Variants in TTC39A observed in about 807,000 individuals in gnomAD.
TTC39A encodes tetratricopeptide repeat domain 39A.
TTC39A carries 46 observed loss-of-function variants against 82.3 expected under a neutral mutation model. That is an observed-to-expected ratio of 0.56 (90% CI 0.44 to 0.71). The LOEUF (loss-of-function observed/expected upper bound fraction) is 0.71, where lower values mean the gene tolerates loss of function less well. Ranked by LOEUF, TTC39A falls within the 30% of genes least tolerant of loss-of-function variation. The pLI, the probability that TTC39A is intolerant of heterozygous loss-of-function variation, is 0.00. For synonymous variants in TTC39A, 254 were observed against 275.2 expected, an observed-to-expected ratio of 0.92 and a Z score of 0.76; for missense variants, 543 against 712.9, an observed-to-expected ratio of 0.76 and a Z score of 2.71.
intron 2 of TTC39A, among the ~76,000 whole-genome samples, chr1:51,313,246 G>A (rs746185120): frequency 3.9e-5 from 6 of 152,060 alleles, no homozygotes; most frequent in Non-Finnish European, 5.9e-5. Context: ...CTGAGAAAGG[G>A]TTTAGTGCAT....
intron 2 of TTC39A, among the ~76,000 whole-genome samples, chr1:51,317,859 G>A (rs1291481017): frequency 6.6e-6 from 1 of 152,198 alleles, no homozygotes; most frequent in Non-Finnish European, 1.5e-5. Flanking sequence ...GATAACAGGT[G>A]GCCCCATGGG....
chr1:51,330,298 G>A lies in TTC39A; in HGVS notation c.41+139C>T, dbSNP rs1486733787. 3 of 934,124 alleles carry A rather than the reference G, an allele frequency of 3.2e-6. No homozygotes were observed. Among genetic ancestry groups the A allele is most frequent in the Non-Finnish European group, 3.8e-6 (3 of 784,076 alleles). 57.9% of individuals were successfully genotyped at this position (934,124 alleles called of 1,614,324 possible). A position where few individuals can be genotyped will look rare whatever the true frequency, so the allele number is the denominator to read the frequency against. ...CCTGGCAGCGGCGGCGGCTGCCAGG[G>A]GCCGGGCGGGGTGGGGGCTGGAAGC... On this transcript the variant is annotated intron_variant, in intron 1 of 17. Transcript: ENST00000680483. This position sits in a 1 kb window ranked among gnomAD's most constrained non-coding sequence, Gnocchi z 4.5.
At chr1:51,316,761 G>T (rs533002830) in intron 2 of TTC39A, among the ~76,000 whole-genome samples, 1 of 152,308 alleles carries the variant, frequency 6.6e-6, no homozygotes, top group East Asian at 1.9e-4. Flanking sequence ...CCCTGAACTT[G>T]CTGCACCCCC....
chr1:51,311,451 C>T (rs534276251), intron 4 of TTC39A, 130 bp from the exon 5 acceptor site: 54 of 749,390 alleles, frequency 7.2e-5, no homozygotes, highest in African/African-American at 1.2e-4. Context: ...TCCCCTACCT[C>T]GTCACCCAGT....
In TTC39A at chr1:51,309,344, C is replaced by G; in HGVS notation, c.424-19G>C. 2 of 1,612,672 alleles carry G rather than the reference C, an allele frequency of 1.2e-6. No homozygotes were observed. Among genetic ancestry groups the G allele is most frequent in the Non-Finnish European group, 1.7e-6 (2 of 1,179,436 alleles). On this transcript the variant is annotated intron_variant, in intron 5 of 17. Transcript: ENST00000680483. ...TCTCGTCCTGCAGGAGGAAAAGATG[C>G]TGACGGCCTGGCCCAGGTGGGCAGC...
chr1:51,290,687 T>A (rs1569741971), intron 14 of TTC39A, 62 bp from the exon 15 acceptor site: 7 of 1,403,614 alleles, frequency 5.0e-6, no homozygotes, highest in East Asian at 2.4e-5. Context: ...AGTTTTCCCA[T>A]CTACAAAATG....
chr1:51,317,497 C>T (rs1171905964), intron 2 of TTC39A, among the ~76,000 whole-genome samples: 1 of 152,068 alleles, frequency 6.6e-6, no homozygotes, highest in African/African-American at 2.4e-5. Context: ...GCCTGTAATC[C>T]CAGCACTGTG....
chr1:51,312,298 T>C, intron 3 of TTC39A, 103 bp from the exon 4 acceptor site: 1 of 1,178,410 alleles, frequency 8.5e-7, no homozygotes, highest in Non-Finnish European at 1.2e-6. Context: ...GAGACAGAGC[T>C]AGCAAGAAAG....
intron 2 of TTC39A, among the ~76,000 whole-genome samples, chr1:51,318,058 T>A (rs1240286240): frequency 2.6e-5 from 4 of 152,130 alleles, no homozygotes; most frequent in Non-Finnish European, 4.4e-5. Context: ...TTTAATATTT[T>A]CTCCTGTGTT....
chr1:51,302,945 A>T (rs539606227), intron 9 of TTC39A, 139 bp downstream of exon 9: 118 of 759,846 alleles, frequency 1.6e-4, no homozygotes, highest in Non-Finnish European at 1.7e-5. Context: ...AGTCCCCAGG[A>T]CAGTGGATGT....
chr1:51,340,072 A>G (rs1337294941), intron 1 of TTC39A, among the ~76,000 whole-genome samples: 1 of 152,196 alleles, frequency 6.6e-6, no homozygotes, highest in African/African-American at 2.4e-5. Context: ...ATAAGCCAGA[A>G]AGCAGGTCCT....
rs1276886719 is a variant in TTC39A, at chr1:51,341,498, C to A, written c.53+3493G>T. ...AACCCAAATCTATTTCTCAATGACC[C>A]CCAAAAGGACCTAAATGTTCCAAGT... On this transcript the variant is annotated intron_variant, in intron 1 of 5. Coordinates refer to the TTC39A transcript ENST00000401051. Among the ~76,000 whole-genome samples the A allele has an allele frequency of 2.0e-5, 3 of 152,190 alleles. No individual in the cohort carries two copies. The East Asian group carries it at 5.8e-4, about 29-fold the overall frequency.
In TTC39A at chr1:51,305,187, A is replaced by G. The variant is rs374343102; in HGVS notation, c.589-41T>C. On this transcript the variant is annotated intron_variant, in intron 7 of 17. Transcript: ENST00000680483. ...CAATCAAGCCTGTGAAGGTACCCAG[A>G]GTGGGCAGGGGCCACCCCCACTGTC... 719 of 1,604,972 alleles carry G rather than the reference A, an allele frequency of 4.5e-4. 4 individuals are homozygous for G. The highest frequency in any genetic ancestry group is 4.2e-3 in the South Asian group (384 of 90,730).
Position 51,302,405 on chromosome 1 carries a change from G to A in TTC39A, c.843C>T (p.Phe281=). The change falls in exon 11 of 18, where the codon TTC becomes TTT. Residue 281 remains phenylalanine, a synonymous_variant. Coordinates refer to ENST00000680483, the MANE Select transcript of TTC39A (RefSeq NM_001297663.2). ...CTTCAATCCTCCCTGCAAAGAACAG[G>A]AAGATGGCACCCTGCAATGACACAC... ...YLNRYPKGAI[F]LFFAGRIEVI... is the part of the protein sequence containing the mutation. The A allele has an allele frequency of 1.2e-6, 2 of 1,610,094 alleles. No individual in the cohort carries two copies. The highest frequency in any genetic ancestry group is 1.7e-6 in the Non-Finnish European group (2 of 1,178,160).
Position 51,288,076 on chromosome 1 carries a change from A to AG in TTC39A, c.*80dup, listed in dbSNP as rs1470966275. ...GTGGACCCCAAAGGCAGGGCAGGGC[A>AG]GGGGGAGGGGGTATTTTGAAATGTT... On this transcript the variant is annotated 3_prime_UTR_variant, in exon 18 of 18. Coordinates refer to ENST00000680483, the MANE Select transcript of TTC39A (RefSeq NM_001297663.2). The surrounding 1 kb of genome is among the most constrained non-coding windows in gnomAD (Gnocchi z 4.8). 1.9e-6 allele frequency: 3 copies of AG among 1,563,906 alleles called. No individual in the cohort carries two copies. The highest frequency in any genetic ancestry group is 1.8e-5 in the Admixed American group (1 of 54,492).
At chr1:51,314,951 C>T (rs1645227737) in intron 2 of TTC39A, among the ~76,000 whole-genome samples, 1 of 152,244 alleles carries the variant, frequency 6.6e-6, no homozygotes, top group Non-Finnish European at 1.5e-5. Context: ...TCCTGCGTCA[C>T]TTCCCTGCAT....
At chr1:51,309,801 C>A (rs1022402872) in intron 5 of TTC39A, among the ~76,000 whole-genome samples, 1 of 152,022 alleles carries the variant, frequency 6.6e-6, no homozygotes, top group African/African-American at 2.4e-5. Flanking sequence ...AGAAACAGCC[C>A]AAATGGCCAC....
chr1:51,303,409 C>T (rs1315919208), intron 8 of TTC39A, among the ~76,000 whole-genome samples: 5 of 152,218 alleles, frequency 3.3e-5, no homozygotes. Flanking sequence ...AGGACAAAGG[C>T]TTGGCGGGTC....
chr1:51,290,579 G>A lies in TTC39A; in HGVS notation c.1313C>T (p.Pro438Leu), dbSNP rs200182057. 83 of 1,613,788 alleles carry A rather than the reference G, an allele frequency of 5.1e-5. No individual in the cohort carries two copies. The highest frequency in any genetic ancestry group is 1.6e-4 in the Middle Eastern group (1 of 6,084). Residue 438 changes from proline (P) to leucine (L), a missense_variant, in exon 15 of 18, where the codon CCG (proline) becomes CTG (leucine). Transcript: ENST00000680483. The part of the protein sequence containing the change: ...WNGYAVIGKQ[P>L]KLTDGILEII... ...CTCAAGTATCCCATCCGTGAGTTTC[G>A]GCTGCTTCCCAATCACGGCGTAGCC...
Sources: allele counts gnomAD v4.1 joint callset (sites outside exome capture counted in the v4.1 genomes callset), GRCh38; gene constraint gnomAD v4.1.1; non-coding constraint Gnocchi (gnomAD v3.1); transcripts MANE v1.5; gene names NCBI Gene and HGNC (gene_info 2026-07-23, HGNC 2026-07-21).